Variants in CPS1 observed in about 807,000 individuals in gnomAD.
The protein encoded by CPS1 is carbamoyl-phosphate synthase [ammonia], mitochondrial.
CPS1 carries 109 observed loss-of-function variants against 174.6 expected under a neutral mutation model. That is an observed-to-expected ratio of 0.62 (90% CI 0.53 to 0.73). The LOEUF is 0.73. Ranked by LOEUF, CPS1 falls within the 30% of genes least tolerant of loss-of-function variation. CPS1 has a pLI of 0.00. For synonymous variants in CPS1, 637 were observed against 632.0 expected, an observed-to-expected ratio of 1.01 and a Z score of -0.12; for missense variants, 1,689 against 1,821.9, an observed-to-expected ratio of 0.93 and a Z score of 1.33.
At chr2:210,553,002 T>C (rs1696770254), upstream of CPS1, among the ~76,000 whole-genome samples, 1 of 151,972 alleles carries the variant, frequency 6.6e-6, no homozygotes, top group Non-Finnish European at 1.5e-5. Context: ...ATTGCACTGG[T>C]ATGTAGGTGA....
intron 33 of CPS1, among the ~76,000 whole-genome samples, chr2:210,665,122 G>A (rs763225334): frequency 1.3e-5 from 2 of 152,126 alleles, no homozygotes; most frequent in Admixed American, 6.5e-5. Context: ...TAGAATTTGA[G>A]ACTCATTAAC....
intron 1 of CPS1, among the ~76,000 whole-genome samples, chr2:210,509,747 G>T (rs2105973154): frequency 6.6e-6 from 1 of 152,280 alleles, no homozygotes; most frequent in South Asian, 2.1e-4. Flanking sequence ...GACAAACAGA[G>T]AGCCAAATCA....
At chr2:210,555,372 A>G (rs923117611), upstream of CPS1, among the ~76,000 whole-genome samples, 1 of 151,814 alleles carries the variant, frequency 6.6e-6, no homozygotes, top group Non-Finnish European at 1.5e-5. Flanking sequence ...TTATTTTCCC[A>G]TTGCATTTGG....
chr2:210,551,510 C>G (rs1382568826), intron 1 of CPS1, among the ~76,000 whole-genome samples: 1 of 151,866 alleles, frequency 6.6e-6, no homozygotes, highest in South Asian at 2.1e-4. Flanking sequence ...AATACATGCT[C>G]CTTGTACTGA....
Position 210,608,410 on chromosome 2 carries a change from C to G in CPS1, c.2242C>G (p.Pro748Ala). The G allele has an allele frequency of 1.2e-6, 2 of 1,612,386 alleles. No individual in the cohort carries two copies. The highest frequency in any genetic ancestry group is 1.1e-5 in the South Asian group (1 of 91,050). Residue 748 changes from proline (P) to alanine (A), a missense_variant, in exon 19 of 38, where the codon CCA (proline) becomes GCA (alanine). Pro to Ala is a conservative substitution (Grantham distance 27). Coordinates refer to ENST00000233072, the MANE Select transcript of CPS1 (RefSeq NM_001875.5). ...AAKIALGIPL[P>A]EIKNVVSGKT... is the part of the protein sequence containing the mutation. ...AAAGATTGCCCTAGGAATCCCACTT[C>G]CAGAAATTAAGAACGTCGTATCCGG...
At chr2:210,538,630 G>C (rs759632731) in intron 1 of CPS1, among the ~76,000 whole-genome samples, 4 of 152,082 alleles carry the variant, frequency 2.6e-5, no homozygotes, top group African/African-American at 4.8e-5. Context: ...CATCAGTGGG[G>C]ATGGTAGGGC....
chr2:210,675,803 C>T lies in CPS1; in HGVS notation c.4237C>T (p.Gln1413Ter), dbSNP rs141178702. The T allele has an allele frequency of 6.3e-7, 1 of 1,595,394 alleles. No homozygotes were observed. Among genetic ancestry groups the T allele is most frequent in the East Asian group, 2.2e-5 (1 of 44,824 alleles). Residue 1413 changes from glutamine to a stop codon, truncating the protein, a stop_gained, in exon 36 of 38, where the codon CAA becomes TAA. Transcript: ENST00000233072. LOFTEE classifies it high-confidence loss of function. ...TGCCACCCCAGTGGCATGGCCGTCT[C>T]AAGAAGGACAGAATCCCAGCCTCTC... ...VPATPVAWPSQEGQNPSLSSI... is the reference protein window; with the variant it reads ...VPATPVAWPS
intron 1 of CPS1, among the ~76,000 whole-genome samples, chr2:210,513,743 T>G (rs1367689243): frequency 1.3e-5 from 2 of 152,044 alleles, no homozygotes; most frequent in African/African-American, 2.4e-5. Context: ...TTTGAGGACT[T>G]AGTCATAAAT....
chr2:210,619,086 C>G (rs1420019716), intron 21 of CPS1: 2 of 152,060 alleles, frequency 1.3e-5, no homozygotes, highest in Non-Finnish European at 2.9e-5. Flanking sequence ...TGCCAATGTA[C>G]CGCACTCCCT....
At chr2:210,604,132 G>T (rs926594076) in intron 16 of CPS1, among the ~76,000 whole-genome samples, 1 of 151,758 alleles carries the variant, frequency 6.6e-6, no homozygotes, top group East Asian at 2.0e-4. Context: ...TAACCACTTT[G>T]AGAACCTCAT....
chr2:210,618,779 C>G (rs1193104052), intron 21 of CPS1: 5 of 152,006 alleles, frequency 3.3e-5, no homozygotes. Context: ...GAGTCCTCTG[C>G]TTTTTCTCGG....
At chr2:210,597,256 A>G (rs1698516549) in intron 13 of CPS1, among the ~76,000 whole-genome samples, 1 of 151,868 alleles carries the variant, frequency 6.6e-6, no homozygotes, top group African/African-American at 2.4e-5. Flanking sequence ...ACCTGTTTGT[A>G]TCTTCCTGAC....
chr2:210,590,437 G>T (rs1017472046), intron 8 of CPS1, among the ~76,000 whole-genome samples: 4 of 151,934 alleles, frequency 2.6e-5, no homozygotes, highest in African/African-American at 9.7e-5. Context: ...TTTTCTTCAG[G>T]CAAAGTAACT....
intron 1 of CPS1, among the ~76,000 whole-genome samples, chr2:210,503,740 C>T (rs1312507913): frequency 1.3e-5 from 2 of 152,174 alleles, no homozygotes; most frequent in African/African-American, 4.8e-5. Flanking sequence ...GAGACTTCCT[C>T]TGCAATGTTG....
At position 210,556,628 on chromosome 2, in the gene CPS1, C is replaced by A; in HGVS notation, c.-106C>A. On this transcript the variant is annotated 5_prime_UTR_variant, in exon 1 of 38. In the 5' UTR this introduces an upstream ATG that the reference lacks. Coordinates refer to ENST00000233072, the MANE Select transcript of CPS1 (RefSeq NM_001875.5). ...ATCGCTGTGCAGTCAGCCTTAAACA[C>A]TGACTGCACCCCTCCCAGATTTCTT... 1 of 1,552,734 alleles carries A rather than the reference C, an allele frequency of 6.4e-7. No homozygotes were observed. Among genetic ancestry groups the A allele is most frequent in the South Asian group, 1.2e-5 (1 of 81,854 alleles).
chr2:210,639,227 C>A lies in CPS1; in HGVS notation c.2895+12C>A. On this transcript the variant is annotated intron_variant, in intron 23 of 37. Transcript: ENST00000233072. ...CCTACAATGGTCAGGTAGGAATGGG[C>A]AAATTGGCCTATCCAGAAAGCTCTA... The A allele has an allele frequency of 6.3e-7, 1 of 1,594,380 alleles. No individual in the cohort carries two copies. The highest frequency in any genetic ancestry group is 8.6e-7 in the Non-Finnish European group (1 of 1,162,516).
intron 1 of CPS1, among the ~76,000 whole-genome samples, chr2:210,513,395 A>T (rs140174826): frequency 7.4e-4 from 113 of 151,848 alleles, no homozygotes; most frequent in African/African-American, 2.6e-3. Context: ...ATGGAATCTC[A>T]CTGTGGTTTT....
At chr2:210,661,268 G>T (rs1700911236) in intron 32 of CPS1, among the ~76,000 whole-genome samples, 1 of 152,114 alleles carries the variant, frequency 6.6e-6, no homozygotes, top group Non-Finnish European at 1.5e-5. Context: ...TAAAGCCATT[G>T]TGATCTCCTA....
intron 1 of CPS1, among the ~76,000 whole-genome samples, chr2:210,492,272 A>G (rs1694894164): frequency 1.3e-5 from 2 of 152,356 alleles, no homozygotes; most frequent in African/African-American, 2.4e-5. Context: ...TGCTTTATGT[A>G]CATATGAAAG....
Sources: allele counts gnomAD v4.1 joint callset (sites outside exome capture counted in the v4.1 genomes callset), GRCh38; gene constraint gnomAD v4.1.1; transcripts MANE v1.5; gene names NCBI Gene and HGNC (gene_info 2026-07-23, HGNC 2026-07-21).